Variants in ENPP6 observed in about 807,000 individuals in gnomAD.
The protein encoded by ENPP6 is ectonucleotide pyrophosphatase/phosphodiesterase 6.
In ENPP6, 32 loss-of-function variants were observed where a neutral mutation model predicts 42.0. The ratio of observed to expected loss-of-function variants is 0.76; its 90% CI spans 0.58 to 1.02. The LOEUF is 1.02. Among genes scored for constraint, ENPP6 ranks in the 50% least tolerant of loss-of-function variants. ENPP6 has a pLI of 0.00. For missense variants in ENPP6, 552 were observed against 566.8 expected, an observed-to-expected ratio of 0.97 and a Z score of 0.27; for synonymous variants, 213 against 216.0, an observed-to-expected ratio of 0.99 and a Z score of 0.12.
At chr4:184,200,633 C>T (rs373446558) in intron 1 of ENPP6, among the ~76,000 whole-genome samples, 35 of 152,238 alleles carry the variant, frequency 2.3e-4, no homozygotes, top group African/African-American at 5.1e-4. Flanking sequence ...CAAGTCCCTG[C>T]GGACTGTGGC....
chr4:184,189,524 G>T (rs142413644), intron 1 of ENPP6, among the ~76,000 whole-genome samples: 1 of 152,178 alleles, frequency 6.6e-6, no homozygotes, highest in Non-Finnish European at 1.5e-5. Flanking sequence ...CTGAAGCTCC[G>T]GTTTGAGTCC....
At chr4:184,150,999 C>A (rs573779310) in intron 2 of ENPP6, among the ~76,000 whole-genome samples, 2 of 152,326 alleles carry the variant, frequency 1.3e-5, no homozygotes, top group Admixed American at 1.3e-4. Flanking sequence ...AATTAGCTTT[C>A]AGATTTCTTT....
Position 184,091,256 on chromosome 4 carries a change from T to C in ENPP6, c.1244A>G (p.Lys415Arg). ...GSWSRVMCMLKGRASTAPPVW... is the reference protein window; with the variant it reads ...GSWSRVMCMLRGRASTAPPVW... ...AGGCGGGGCAGTGCTGGCGCGGCCCTTCAGCATGCACATCACCCTGGACCA... is the reference window on the plus strand; with the variant it reads ...AGGCGGGGCAGTGCTGGCGCGGCCCCTCAGCATGCACATCACCCTGGACCA... Residue 415 changes from lysine (K) to arginine (R), a missense_variant, in exon 8 of 8, where the codon AAG (lysine) becomes AGG (arginine). This residue lies in a region of ENPP6 where 545 missense variants were observed against 546.3 expected (regional missense o/e 1.00). Transcript: ENST00000296741. 6.2e-7 allele frequency: 1 copy of C among 1,610,024 alleles called. No homozygotes were observed. Among genetic ancestry groups the C allele is most frequent in the Non-Finnish European group, 8.5e-7 (1 of 1,178,152 alleles).
rs78192631 is a variant in ENPP6, at chr4:184,098,014, C to T, written c.994-646G>A. Among the ~76,000 whole-genome samples, 745 of 152,364 alleles carry T rather than the reference C, an allele frequency of 4.9e-3. 6 individuals carry two copies. The highest frequency in any genetic ancestry group is 0.017 in the Middle Eastern group (5 of 294). ...CGGGGCGTGCGGTTCCGGAGCCCCT[C>T]GGGAGTGGAAGCTCTGCGTGCCTCA... On this transcript the variant is annotated intron_variant, in intron 6 of 7. Transcript: ENST00000296741.
At chr4:184,135,782 C>T (rs1043306891) in intron 2 of ENPP6, among the ~76,000 whole-genome samples, 4 of 152,298 alleles carry the variant, frequency 2.6e-5, no homozygotes, top group African/African-American at 7.2e-5. Flanking sequence ...ATGGCCATCA[C>T]GTGTGGGCAC....
At chr4:184,149,147 C>A (rs1466183042) in intron 2 of ENPP6, among the ~76,000 whole-genome samples, 1 of 152,122 alleles carries the variant, frequency 6.6e-6, no homozygotes, top group African/African-American at 2.4e-5. Context: ...AAAAAAATTC[C>A]AGTTTTTATC....
chr4:184,127,490 T>C (rs1579622987), intron 2 of ENPP6, among the ~76,000 whole-genome samples: 1 of 152,158 alleles, frequency 6.6e-6, no homozygotes, highest in South Asian at 2.1e-4. Context: ...ATGGACTAAA[T>C]ATGTTATTTA....
At chr4:184,145,317 C>T (rs1308751022) in intron 2 of ENPP6, among the ~76,000 whole-genome samples, 2 of 152,178 alleles carry the variant, frequency 1.3e-5, no homozygotes, top group Non-Finnish European at 2.9e-5. Context: ...GCCTCCTTTT[C>T]TTTCTTCCTT....
At chr4:184,205,236 TATA>T (rs1165529619) in intron 1 of ENPP6, among the ~76,000 whole-genome samples, 1 of 152,160 alleles carries the variant, frequency 6.6e-6, no homozygotes, top group Non-Finnish European at 1.5e-5. Context: ...CCCAGCCCAC[TATA>T]ATAAGTTTTA....
chr4:184,187,055 G>A (rs752788240), intron 1 of ENPP6, among the ~76,000 whole-genome samples: 8 of 152,164 alleles, frequency 5.3e-5, no homozygotes, highest in Non-Finnish European at 8.8e-5. Flanking sequence ...GAAAGCACTC[G>A]TTCCACACAG....
In ENPP6 at chr4:184,097,270, C is replaced by A. The variant is rs769771628; in HGVS notation, c.1092G>T (p.Arg364=). The change falls in exon 7 of 8, where the codon CGG becomes CGT. Residue 364 remains arginine, a synonymous_variant. Coordinates refer to ENST00000296741, the MANE Select transcript of ENPP6 (RefSeq NM_153343.4). ...CAGGTCCGAAGGCCAGGAAGATGCC[C>A]CGCATGTCCATGAGCTCGTTGTCGT... ...HGYDNELMDM[R]GIFLAFGPDF... 1.5e-5 allele frequency: 25 copies of A among 1,614,086 alleles called. No individual in the cohort carries two copies. Among genetic ancestry groups the A allele is most frequent in the Admixed American group, 3.3e-5 (2 of 60,008 alleles).
chr4:184,182,175 AC>A lies in ENPP6; in HGVS notation c.242-28443del, dbSNP rs779890455. On this transcript the variant is annotated intron_variant, in intron 1 of 7. Coordinates refer to ENST00000296741, the MANE Select transcript of ENPP6 (RefSeq NM_153343.4). ...AAACAAATCTACAAGAAAAAAAAAA[AC>A]AACCCCATTAAAAAGTGGGCAAAGG... Among the ~76,000 whole-genome samples, 133 of 152,014 alleles carry A rather than the reference AC, an allele frequency of 8.7e-4. 1 individual carries two copies. Among genetic ancestry groups the A allele is most frequent in the African/African-American group, 3.1e-3 (127 of 41,466 alleles).
intron 1 of ENPP6, among the ~76,000 whole-genome samples, chr4:184,199,261 G>A (rs923180962): frequency 6.6e-6 from 1 of 152,160 alleles, no homozygotes; most frequent in Non-Finnish European, 1.5e-5. Context: ...TCTTTGGTGG[G>A]CTCTGTGATG....
chr4:184,182,483 C>T (rs1221886976), intron 1 of ENPP6, among the ~76,000 whole-genome samples: 1 of 152,086 alleles, frequency 6.6e-6, no homozygotes, highest in Non-Finnish European at 1.5e-5. Flanking sequence ...TCAGAAATAC[C>T]ATTTGACCCA....
intron 1 of ENPP6, among the ~76,000 whole-genome samples, chr4:184,175,832 A>G (rs766820954): frequency 6.6e-6 from 1 of 152,224 alleles, no homozygotes; most frequent in Non-Finnish European, 1.5e-5. Flanking sequence ...ATCACCCCAC[A>G]TAACGTCTTG....
chr4:184,157,539 CCTTTCTTTCCTTTCTCT>C lies in ENPP6; in HGVS notation c.242-3823_242-3807del, dbSNP rs1474032253. Among the ~76,000 whole-genome samples, 917 of 146,954 alleles carry C rather than the reference CCTTTCTTTCCTTTCTCT, an allele frequency of 6.2e-3. 17 individuals are homozygous for C. The highest frequency in any genetic ancestry group is 0.022 in the African/African-American group (860 of 39,820). ...TTTCTTTTTCTTTCTTTCTCTCTCT[CCTTTCTTTCCTTTCTCT>C]CTTTCTTTCCTTTCTTTCCTTTTTT... On this transcript the variant is annotated intron_variant, in intron 1 of 7. Transcript: ENST00000296741.
chr4:184,116,766 A>G (rs1345437006), intron 5 of ENPP6, 90 bp downstream of exon 5: 2 of 1,521,072 alleles, frequency 1.3e-6, no homozygotes, highest in Non-Finnish European at 1.8e-6. Context: ...ACACAAAACA[A>G]AACAAAAAAA....
chr4:184,117,550 TCAGTCTCTCTCACTGGC>T (rs1171067747), intron 4 of ENPP6, among the ~76,000 whole-genome samples, 192 bp downstream of exon 4: 5 of 152,200 alleles, frequency 3.3e-5, no homozygotes, highest in African/African-American at 9.6e-5. Flanking sequence ...CACACCTAGG[TCAGTCTCTCTCACTGGC>T]CTGGCTGTGG....
intron 6 of ENPP6, among the ~76,000 whole-genome samples, chr4:184,106,318 A>G (rs1390883835): frequency 6.6e-6 from 1 of 152,162 alleles, no homozygotes; most frequent in Non-Finnish European, 1.5e-5. Flanking sequence ...TACAGGCATG[A>G]GCCACCATGT....
Sources: allele counts gnomAD v4.1 joint callset (sites outside exome capture counted in the v4.1 genomes callset), GRCh38; gene constraint gnomAD v4.1.1; regional missense constraint gnomAD v4.1.1; transcripts MANE v1.5; gene names NCBI Gene and HGNC (gene_info 2026-07-23, HGNC 2026-07-21).